Variants in KCND2 observed in about 807,000 individuals in gnomAD.
KCND2 encodes the protein potassium voltage-gated channel subfamily D member 2, also known as A-type voltage-gated potassium channel KCND2.
KCND2 carries 16 observed loss-of-function variants against 54.4 expected under a neutral mutation model. The observed-to-expected ratio is 0.29, with a 90% CI of 0.20 to 0.45. The LOEUF (loss-of-function observed/expected upper bound fraction) is 0.45. Among genes scored for constraint, KCND2 ranks in the 20% least tolerant of loss-of-function variants. The pLI is 1.00. For synonymous variants in KCND2, 317 were observed against 310.7 expected (o/e 1.02, Z -0.21); for missense variants, 486 against 824.2 (o/e 0.59, Z 5.02).
intron 1 of KCND2, among the ~76,000 whole-genome samples, chr7:120,305,902 A>C (rs1001803053): frequency 2.7e-4 from 41 of 152,182 alleles, no homozygotes; most frequent in African/African-American, 9.9e-4. Context: ...GTGACAATGC[A>C]GTGTATGAGA....
intron 1 of KCND2, among the ~76,000 whole-genome samples, chr7:120,582,636 G>C (rs1792531669): frequency 6.6e-6 from 1 of 151,972 alleles, no homozygotes; most frequent in South Asian, 2.1e-4. Flanking sequence ...ATTCCATAAA[G>C]TGGGCTTTTC....
Position 120,615,226 on chromosome 7 carries a change from T to C in KCND2, c.1116-117677T>C, listed in dbSNP as rs191384374. On this transcript the variant is annotated intron_variant, in intron 1 of 5. Coordinates refer to ENST00000331113, the MANE Select transcript of KCND2 (RefSeq NM_012281.3). ...TTAGTTTTTTTTATTCAGAAATCTG[T>C]ACACAGAAGGAATAGTTACCAGAAT... 2.6e-5 allele frequency among the ~76,000 whole-genome samples: 4 copies of C among 152,272 alleles called. No individual in the cohort carries two copies. The East Asian group carries it at 7.7e-4, about 29-fold the overall frequency.
intron 3 of KCND2, 75 bp downstream of exon 3, chr7:120,741,704 A>C: frequency 9.8e-7 from 1 of 1,025,264 alleles, no homozygotes; most frequent in Admixed American, 1.9e-5. Context: ...CTTTCCTATA[A>C]TTTTATTATG....
At chr7:120,717,509 A>G (rs776438517) in intron 1 of KCND2, among the ~76,000 whole-genome samples, 21 of 152,174 alleles carry the variant, frequency 1.4e-4, no homozygotes, top group Middle Eastern at 3.2e-3. Flanking sequence ...AAAACAGTAG[A>G]TAAGAGAGGA....
intron 1 of KCND2, among the ~76,000 whole-genome samples, chr7:120,603,487 C>T (rs1792840244): frequency 6.6e-6 from 1 of 152,152 alleles, no homozygotes; most frequent in South Asian, 2.1e-4. Flanking sequence ...TCTGTATATG[C>T]AGTGGGGTCT....
intron 1 of KCND2, among the ~76,000 whole-genome samples, chr7:120,669,145 T>A (rs1791961859): frequency 6.6e-6 from 1 of 152,050 alleles, no homozygotes; most frequent in African/African-American, 2.4e-5. Flanking sequence ...TCAGCTTGCT[T>A]TTTTCCAAGA....
intron 1 of KCND2, among the ~76,000 whole-genome samples, chr7:120,453,516 C>T (rs1417763610): frequency 6.6e-6 from 1 of 152,170 alleles, no homozygotes; most frequent in Non-Finnish European, 1.5e-5. Context: ...GCATACAATC[C>T]ACCATAAAAC....
At chr7:120,510,644 A>T (rs1438017058) in intron 1 of KCND2, among the ~76,000 whole-genome samples, 1 of 152,048 alleles carries the variant, frequency 6.6e-6, no homozygotes, top group Non-Finnish European at 1.5e-5. Context: ...AATTACACAG[A>T]TTCTCTACCT....
At chr7:120,335,940 ATACT>A (rs1268210041) in intron 1 of KCND2, among the ~76,000 whole-genome samples, 1 of 152,210 alleles carries the variant, frequency 6.6e-6, no homozygotes, top group African/African-American at 2.4e-5. Flanking sequence ...GTATGCTCAA[ATACT>A]TAATCAAACT....
In KCND2 at chr7:120,560,683, G is replaced by A. The variant is rs973997344; in HGVS notation, c.1116-172220G>A. ...ATTCTGTCTACCGGCCTGTCTCATC[G>A]AATGAAGCAGCAGGCAGGGAAACCA... is the stretch of plus-strand genomic sequence containing the variant. On this transcript the variant is annotated intron_variant, in intron 1 of 5. Transcript: ENST00000331113. Among the ~76,000 whole-genome samples, 8 of 152,094 alleles carry A rather than the reference G, an allele frequency of 5.3e-5. No individual in the cohort carries two copies. The South Asian group carries it at 1.2e-3, about 24-fold the overall frequency.
intron 1 of KCND2, among the ~76,000 whole-genome samples, chr7:120,476,351 G>A (rs1802533127): frequency 2.0e-5 from 3 of 152,206 alleles, no homozygotes; most frequent in South Asian, 2.1e-4. Flanking sequence ...CATTACTAGA[G>A]TATAAGCTGC....
rs1055269089 is a variant in KCND2, at chr7:120,622,537, T to C, written c.1116-110366T>C. Reference sequence around the variant, plus strand: ...TTCTGTTAATAAGTAAACAAACAAATAAATAAATATATAAAATATACCGCA... The same window carrying C: ...TTCTGTTAATAAGTAAACAAACAAACAAATAAATATATAAAATATACCGCA... On this transcript the variant is annotated intron_variant, in intron 1 of 5. Coordinates refer to ENST00000331113, the MANE Select transcript of KCND2 (RefSeq NM_012281.3). Among the ~76,000 whole-genome samples, 8 of 151,666 alleles carry C rather than the reference T, an allele frequency of 5.3e-5. 1 individual carries two copies. The highest frequency in any genetic ancestry group is 3.9e-4 in the Admixed American group (6 of 15,218).
chr7:120,364,667 G>T (rs1012932916), intron 1 of KCND2, among the ~76,000 whole-genome samples: 1 of 152,034 alleles, frequency 6.6e-6, no homozygotes, highest in Admixed American at 6.6e-5. Flanking sequence ...TATCTAAGAG[G>T]AAACATCAAG....
intron 1 of KCND2, among the ~76,000 whole-genome samples, chr7:120,412,777 A>G (rs1490780343): frequency 6.6e-6 from 1 of 152,048 alleles, no homozygotes; most frequent in African/African-American, 2.4e-5. Context: ...AGGAAATTTC[A>G]TCAGTTTTGC....
At chr7:120,410,440 A>G (rs1801432295) in intron 1 of KCND2, among the ~76,000 whole-genome samples, 3 of 151,964 alleles carry the variant, frequency 2.0e-5, no homozygotes, top group Admixed American at 6.6e-5. Flanking sequence ...TGAAATTTTA[A>G]TTGAGATTTT....
At chr7:120,547,811 TGACTTGA>T (rs922178449) in intron 1 of KCND2, among the ~76,000 whole-genome samples, 75 of 152,154 alleles carry the variant, frequency 4.9e-4, no homozygotes, top group African/African-American at 1.7e-3. Context: ...GCATTAATAT[TGACTTGA>T]GACTTGAGTA....
At position 120,508,891 on chromosome 7, in the gene KCND2, A is replaced by ATTTT. The variant is rs57245091; in HGVS notation, c.1116-224001_1116-223998dup. 4.5e-3 allele frequency among the ~76,000 whole-genome samples: 624 copies of ATTTT among 138,228 alleles called. 6 individuals carry two copies. Among genetic ancestry groups the ATTTT allele is most frequent in the Non-Finnish European group, 8.0e-3 (512 of 64,308 alleles). 90.7% of individuals were successfully genotyped at this position (138,228 alleles called of 152,430 possible). A position where few individuals can be genotyped will look rare whatever the true frequency, so the allele number is the denominator to read the frequency against. On this transcript the variant is annotated intron_variant, in intron 1 of 5. Coordinates refer to ENST00000331113, the MANE Select transcript of KCND2 (RefSeq NM_012281.3). ...TTTAGATTGGAAGTTGCCTTTCACG[A>ATTTT]TTTTTTTTTTTTTTGGACATCCTTT...
chr7:120,525,799 C>T (rs1224117348), intron 1 of KCND2, among the ~76,000 whole-genome samples: 1 of 152,188 alleles, frequency 6.6e-6, no homozygotes, highest in African/African-American at 2.4e-5. Context: ...AGTTGACCCA[C>T]ACCACCTCAG....
At chr7:120,583,419 G>A (rs1444602324) in intron 1 of KCND2, among the ~76,000 whole-genome samples, 1 of 152,160 alleles carries the variant, frequency 6.6e-6, no homozygotes, top group Non-Finnish European at 1.5e-5. Flanking sequence ...ATATGTGTGT[G>A]TGTTTTATAT....
Sources: gnomAD v4.1 joint callset for allele counts (sites outside exome capture counted in the v4.1 genomes callset) on GRCh38, gnomAD v4.1.1 for gene constraint, MANE v1.5 for transcripts, NCBI Gene and HGNC (gene_info 2026-07-23, HGNC 2026-07-21) for gene names.